HS6ST3: variants seen among roughly 807,000 people sequenced by gnomAD.
HS6ST3 encodes the protein heparan-sulfate 6-O-sulfotransferase 3.
HS6ST3 carries 12 observed loss-of-function variants against 36.7 expected under a neutral mutation model. The observed-to-expected ratio is 0.33, with a 90% CI of 0.21 to 0.53. The LOEUF is 0.53. HS6ST3 is among the 20% of genes least tolerant of loss of function. The probability of loss-of-function intolerance (pLI) is 0.95; values close to 1 mark genes in which losing one functional copy is unlikely to be tolerated. For synonymous variants in HS6ST3, 240 were observed against 257.5 expected, an observed-to-expected ratio of 0.93 and a Z score of 0.65; for missense variants, 584 against 640.9, an observed-to-expected ratio of 0.91 and a Z score of 0.96.
At chr13:96,434,998 T>C (rs1461155351) in intron 1 of HS6ST3, among the ~76,000 whole-genome samples, 1 of 152,158 alleles carries the variant, frequency 6.6e-6, no homozygotes, top group African/African-American at 2.4e-5. Flanking sequence ...AATTTTTTTT[T>C]TCCTTTCTCT....
chr13:96,777,588 A>G (rs1351927670), intron 1 of HS6ST3, among the ~76,000 whole-genome samples: 1 of 152,252 alleles, frequency 6.6e-6, no homozygotes. Context: ...CTACAAAGCG[A>G]ATAAAATACC....
chr13:96,417,348 C>T (rs2055538613), intron 1 of HS6ST3, among the ~76,000 whole-genome samples: 1 of 152,142 alleles, frequency 6.6e-6, no homozygotes, highest in African/African-American at 2.4e-5. Flanking sequence ...TTGCCCTACT[C>T]TTCTTCATAG....
At chr13:96,685,880 G>A (rs1874766129) in intron 1 of HS6ST3, among the ~76,000 whole-genome samples, 1 of 151,984 alleles carries the variant, frequency 6.6e-6, no homozygotes, top group African/African-American at 2.4e-5. Context: ...AATCATAAGG[G>A]CCAGAAAGTA....
At chr13:96,729,605 T>A (rs1876092649) in intron 1 of HS6ST3, among the ~76,000 whole-genome samples, 1 of 151,770 alleles carries the variant, frequency 6.6e-6, no homozygotes, top group Non-Finnish European at 1.5e-5. Flanking sequence ...TACAGGCCCA[T>A]GCCACCATGC....
At chr13:96,366,806 G>A (rs962991614) in intron 1 of HS6ST3, among the ~76,000 whole-genome samples, 1 of 152,152 alleles carries the variant, frequency 6.6e-6, no homozygotes, top group Non-Finnish European at 1.5e-5. Context: ...TGTGTCAAGG[G>A]TGGGGCCAGG....
intron 1 of HS6ST3, among the ~76,000 whole-genome samples, chr13:96,819,816 G>A (rs1878495072): frequency 6.6e-6 from 1 of 152,168 alleles, no homozygotes; most frequent in Non-Finnish European, 1.5e-5. Flanking sequence ...CACTTTGGGA[G>A]GCTGAGGTCG....
intron 1 of HS6ST3, among the ~76,000 whole-genome samples, chr13:96,215,431 A>T (rs983694552): frequency 6.6e-6 from 1 of 152,256 alleles, no homozygotes; most frequent in Non-Finnish European, 1.5e-5. Context: ...AACCTATCAT[A>T]TAAAGAAATG....
At chr13:96,402,122 C>T (rs893601275) in intron 1 of HS6ST3, among the ~76,000 whole-genome samples, 4 of 152,126 alleles carry the variant, frequency 2.6e-5, no homozygotes, top group Non-Finnish European at 4.4e-5. Context: ...TACAGGCATG[C>T]ACTACTGCAC....
intron 1 of HS6ST3, among the ~76,000 whole-genome samples, chr13:96,501,058 A>G (rs994169426): frequency 1.3e-5 from 2 of 152,186 alleles, no homozygotes; most frequent in African/African-American, 4.8e-5. Context: ...AGAAAAAAAT[A>G]TATAGCCCAC....
chr13:96,490,959 T>C (rs2055942264), intron 1 of HS6ST3, among the ~76,000 whole-genome samples: 1 of 152,218 alleles, frequency 6.6e-6, no homozygotes, highest in South Asian at 2.1e-4. Flanking sequence ...CCTTTTCTGC[T>C]GCCATGTATT....
At chr13:96,188,666 T>G (rs1160927750) in intron 1 of HS6ST3, among the ~76,000 whole-genome samples, 1 of 152,204 alleles carries the variant, frequency 6.6e-6, no homozygotes, top group East Asian at 1.9e-4. Flanking sequence ...GGCATTTCTC[T>G]TTTCTTATAA....
chr13:96,522,575 G>A (rs2056097951), intron 1 of HS6ST3, among the ~76,000 whole-genome samples: 1 of 152,110 alleles, frequency 6.6e-6, no homozygotes, highest in South Asian at 2.1e-4. Context: ...AGCTCTTCTT[G>A]TTGAATTTAT....
At chr13:96,663,113 C>G (rs1337813821) in intron 1 of HS6ST3, among the ~76,000 whole-genome samples, 4 of 152,076 alleles carry the variant, frequency 2.6e-5, no homozygotes, top group Admixed American at 2.6e-4. Flanking sequence ...AGGCACCAGC[C>G]CTGACAGGGG....
chr13:96,556,737 T>A (rs1255091659), intron 1 of HS6ST3, among the ~76,000 whole-genome samples: 1 of 152,170 alleles, frequency 6.6e-6, no homozygotes, highest in Non-Finnish European at 1.5e-5. Context: ...TATCCTGATT[T>A]TGATTCCAAC....
At chr13:96,697,034 C>T (rs1405644169) in intron 1 of HS6ST3, among the ~76,000 whole-genome samples, 2 of 151,880 alleles carry the variant, frequency 1.3e-5, no homozygotes, top group African/African-American at 4.8e-5. Flanking sequence ...ATTCGGGAAA[C>T]AGATCACTTA....
chr13:96,361,329 C>A (rs1283710162), intron 1 of HS6ST3, among the ~76,000 whole-genome samples: 2 of 152,264 alleles, frequency 1.3e-5, no homozygotes, highest in African/African-American at 2.4e-5. Flanking sequence ...ATATAAAAAA[C>A]CCTTTTGGCT....
chr13:96,813,089 C>T (rs113210050), intron 1 of HS6ST3, among the ~76,000 whole-genome samples: 109 of 152,296 alleles, frequency 7.2e-4, no homozygotes, highest in Non-Finnish European at 1.3e-3. Context: ...GTATTTAAAG[C>T]GCTTGCTTTT....
At chr13:96,205,594 T>G (rs554177077) in intron 1 of HS6ST3, among the ~76,000 whole-genome samples, 146 of 152,166 alleles carry the variant, frequency 9.6e-4, no homozygotes, top group African/African-American at 3.4e-3. Flanking sequence ...TACTACAAAT[T>G]GAATTCAGCA....
At chr13:96,385,809 A>G (rs2055364726) in intron 1 of HS6ST3, among the ~76,000 whole-genome samples, 1 of 152,240 alleles carries the variant, frequency 6.6e-6, no homozygotes, top group African/African-American at 2.4e-5. Flanking sequence ...TGCATGAATT[A>G]TCTTATTTCA....
Sources: gnomAD v4.1 joint callset for allele counts (sites outside exome capture counted in the v4.1 genomes callset) on GRCh38, gnomAD v4.1.1 for gene constraint, MANE v1.5 for transcripts, NCBI Gene and HGNC (gene_info 2026-07-23, HGNC 2026-07-21) for gene names.